QTMAN: variants seen among roughly 807,000 people sequenced by gnomAD.
QTMAN encodes the protein queuosine-tRNA mannosyltransferase.
At chr2:144,180,582 G>A in the QTMAN span, among the ~76,000 whole-genome samples, 3 of 152,086 alleles carry the variant, frequency 2.0e-5, no homozygotes, top group Admixed American at 6.6e-5. Context: ...AAATTTTTGT[G>A]TCAAATAATT....
the QTMAN span, among the ~76,000 whole-genome samples, chr2:144,279,497 C>T: frequency 2.6e-5 from 4 of 152,088 alleles, no homozygotes; most frequent in Non-Finnish European, 2.9e-5. Context: ...GGAAATGCTG[C>T]GGAACAGCCC....
the QTMAN span, among the ~76,000 whole-genome samples, chr2:144,133,155 TA>T: frequency 2.4e-5 from 1 of 42,384 alleles, no homozygotes; most frequent in African/African-American, 1.4e-4. Flanking sequence ...ATATATAATA[TA>T]ATATAATATA....
the QTMAN span, among the ~76,000 whole-genome samples, chr2:144,033,806 C>T: frequency 6.6e-6 from 1 of 152,124 alleles, no homozygotes; most frequent in Non-Finnish European, 1.5e-5. Flanking sequence ...CTATGAACAA[C>T]AAAAGACACT....
chr2:144,156,747 A>G, the QTMAN span, among the ~76,000 whole-genome samples: 2 of 151,710 alleles, frequency 1.3e-5, no homozygotes, highest in Non-Finnish European at 2.9e-5. Context: ...TTTAAGTTAT[A>G]TATTAGATTA....
chr2:143,949,680 T>C, the QTMAN span, among the ~76,000 whole-genome samples: 1 of 151,766 alleles, frequency 6.6e-6, no homozygotes, highest in Non-Finnish European at 1.5e-5. Flanking sequence ...TCACAAAAGA[T>C]CCTCTCCGAC....
the QTMAN span, among the ~76,000 whole-genome samples, chr2:144,029,639 A>C: frequency 9.8e-4 from 149 of 152,268 alleles, no homozygotes; most frequent in Non-Finnish European, 1.9e-3. Context: ...AACCAGCTTT[A>C]AAAAAACATG....
At chr2:144,006,470 T>C in the QTMAN span, 4 of 152,238 alleles carry the variant, frequency 2.6e-5, no homozygotes, top group Admixed American at 6.5e-5. Flanking sequence ...TCAGGCCACA[T>C]GCAGATTAAA....
At chr2:143,950,611 G>A in the QTMAN span, among the ~76,000 whole-genome samples, 1 of 151,588 alleles carries the variant, frequency 6.6e-6, no homozygotes, top group Non-Finnish European at 1.5e-5. Flanking sequence ...AGAACTCACT[G>A]AAAATAGCTT....
At chr2:144,094,303 C>G in the QTMAN span, among the ~76,000 whole-genome samples, 1 of 151,654 alleles carries the variant, frequency 6.6e-6, no homozygotes, top group Non-Finnish European at 1.5e-5. Flanking sequence ...GATAATGTAG[C>G]CTGATAATAG....
the QTMAN span, among the ~76,000 whole-genome samples, chr2:143,991,474 A>T: frequency 7.1e-6 from 1 of 141,392 alleles, no homozygotes; most frequent in East Asian, 2.2e-4. Context: ...CCCGTCCGGG[A>T]GGTGAGGGGC....
the QTMAN span, among the ~76,000 whole-genome samples, chr2:144,201,890 G>A: frequency 6.6e-6 from 1 of 152,238 alleles, no homozygotes; most frequent in East Asian, 1.9e-4. Flanking sequence ...GGTGAACAAA[G>A]GAAAACATAG....
the QTMAN span, among the ~76,000 whole-genome samples, chr2:144,182,458 T>A: frequency 2.0e-5 from 3 of 151,838 alleles, no homozygotes; most frequent in East Asian, 5.9e-4. Context: ...CTGGCCAACA[T>A]GGTGAAACTC....
the QTMAN span, among the ~76,000 whole-genome samples, chr2:144,036,946 G>A: frequency 6.6e-6 from 1 of 152,164 alleles, no homozygotes; most frequent in Non-Finnish European, 1.5e-5. Flanking sequence ...CCATAAAAAG[G>A]AATGAACTAC....
the QTMAN span, among the ~76,000 whole-genome samples, chr2:144,241,395 T>C: frequency 6.6e-6 from 1 of 152,276 alleles, no homozygotes; most frequent in Non-Finnish European, 1.5e-5. Context: ...AATAAAAGAG[T>C]TAGCTACCAT....
At chr2:144,071,692 ATCT>A in the QTMAN span, among the ~76,000 whole-genome samples, 1,088 of 152,256 alleles carry the variant, frequency 7.1e-3, 7 homozygotes, top group Middle Eastern at 0.014. Flanking sequence ...AAGGCCCAAC[ATCT>A]TCTCTAAATT....
chr2:143,993,052 T>C, the QTMAN span, among the ~76,000 whole-genome samples: 2 of 152,238 alleles, frequency 1.3e-5, no homozygotes, highest in African/African-American at 4.8e-5. Context: ...AACTTTTCTG[T>C]ATTTTTAAAA....
At chr2:144,294,027 T>C in the QTMAN span, among the ~76,000 whole-genome samples, 1 of 152,234 alleles carries the variant, frequency 6.6e-6, no homozygotes, top group African/African-American at 2.4e-5. Flanking sequence ...GTCTGAACTT[T>C]GGCTTACCTT....
At chr2:144,170,604 C>T in the QTMAN span, among the ~76,000 whole-genome samples, 1 of 152,042 alleles carries the variant, frequency 6.6e-6, no homozygotes, top group East Asian at 1.9e-4. Flanking sequence ...AATAAATGGG[C>T]TATCTGACAG....
the QTMAN span, among the ~76,000 whole-genome samples, chr2:144,021,390 A>C: frequency 6.6e-6 from 1 of 152,180 alleles, no homozygotes; most frequent in Non-Finnish European, 1.5e-5. Flanking sequence ...TCAGGCAATC[A>C]AGTCTCTTAC....
Sources: allele counts gnomAD v4.1 joint callset (sites outside exome capture counted in the v4.1 genomes callset), GRCh38; gene constraint gnomAD v4.1.1; transcripts MANE v1.5; gene names NCBI Gene and HGNC (gene_info 2026-07-23, HGNC 2026-07-21).